The following DLC1 variants were observed in gnomAD, a reference collection of about 807,000 sequenced individuals.
The protein encoded by DLC1 is DLC1 Rho GTPase activating protein, also known as rho GTPase-activating protein 7.
DLC1 carries 54 observed loss-of-function variants against 140.3 expected under a neutral mutation model. That is an observed-to-expected ratio of 0.38 (90% CI 0.31 to 0.48). DLC1 has a LOEUF of 0.48. DLC1 is among the 20% of genes least tolerant of loss of function. DLC1 has a pLI of 0.96. For missense variants in DLC1, 2,536 were observed against 1,907.0 expected (o/e 1.33, Z -6.14); for synonymous variants, 986 against 728.1 (o/e 1.35, Z -5.70).
At chr8:13,519,065 A>G (rs1243652322), upstream of DLC1, among the ~76,000 whole-genome samples, 1 of 152,074 alleles carries the variant, frequency 6.6e-6, no homozygotes, top group Non-Finnish European at 1.5e-5. Flanking sequence ...ATATGTATAC[A>G]TGTGCCATGT....
At chr8:13,120,499 G>C (rs1312873855) in intron 5 of DLC1, among the ~76,000 whole-genome samples, 1 of 151,034 alleles carries the variant, frequency 6.6e-6, no homozygotes, top group Non-Finnish European at 1.5e-5. Flanking sequence ...GCTTGTTTTG[G>C]GGGGCCTCTA....
chr8:13,417,202 T>C (rs1483968413), intron 2 of DLC1, among the ~76,000 whole-genome samples: 1 of 152,070 alleles, frequency 6.6e-6, no homozygotes, highest in Non-Finnish European at 1.5e-5. Context: ...GAGTACCTAC[T>C]TTTCTTTATT....
intron 4 of DLC1, among the ~76,000 whole-genome samples, chr8:13,386,681 C>T (rs1384652372): frequency 6.6e-6 from 1 of 152,000 alleles, no homozygotes; most frequent in African/African-American, 2.4e-5. Flanking sequence ...ATGAATTGCA[C>T]ACTTATTTAT....
intron 4 of DLC1, among the ~76,000 whole-genome samples, chr8:13,390,063 G>T (rs1836681923): frequency 6.6e-6 from 1 of 152,198 alleles, no homozygotes; most frequent in Admixed American, 6.5e-5. Context: ...TCCAAATTGT[G>T]GGAGAAAGTA....
At chr8:13,134,923 A>G (rs1357595349) in intron 5 of DLC1, among the ~76,000 whole-genome samples, 1 of 152,204 alleles carries the variant, frequency 6.6e-6, no homozygotes, top group African/African-American at 2.4e-5. Context: ...ACCTACTGGT[A>G]ACTGCTGAGG....
At chr8:13,258,877 C>A (rs772384424) in intron 5 of DLC1, among the ~76,000 whole-genome samples, 1 of 152,108 alleles carries the variant, frequency 6.6e-6, no homozygotes, top group Non-Finnish European at 1.5e-5. Context: ...GTGGCTCACG[C>A]CTGTAATCCC....
chr8:13,242,256 T>C (rs1829573205), intron 5 of DLC1, among the ~76,000 whole-genome samples: 1 of 152,156 alleles, frequency 6.6e-6, no homozygotes, highest in African/African-American at 2.4e-5. Context: ...TTTCTTGTGG[T>C]AATGAAGGTT....
chr8:13,252,853 A>T (rs1830071727), intron 5 of DLC1, among the ~76,000 whole-genome samples: 1 of 152,192 alleles, frequency 6.6e-6, no homozygotes, highest in South Asian at 2.1e-4. Flanking sequence ...GAGTGTCTTG[A>T]CCTATAGCCA....
At chr8:13,240,398 C>T (rs1386115307) in intron 5 of DLC1, among the ~76,000 whole-genome samples, 3 of 152,150 alleles carry the variant, frequency 2.0e-5, no homozygotes, top group African/African-American at 7.2e-5. Flanking sequence ...AAGAATGCAA[C>T]CATCACTCGA....
chr8:13,343,019 T>C (rs1834150130), intron 4 of DLC1, among the ~76,000 whole-genome samples: 1 of 152,150 alleles, frequency 6.6e-6, no homozygotes, highest in Non-Finnish European at 1.5e-5. Context: ...AGTAATTTAA[T>C]TTTCCCGTTA....
chr8:13,553,053 T>C (rs1380152131), intron 1 of DLC1, among the ~76,000 whole-genome samples: 4 of 151,316 alleles, frequency 2.6e-5, no homozygotes, highest in African/African-American at 9.7e-5. Flanking sequence ...TTACAAAATA[T>C]TAGTTTCATT....
intron 1 of DLC1, among the ~76,000 whole-genome samples, chr8:13,560,263 C>G (rs763392243): frequency 1.2e-4 from 18 of 152,036 alleles, no homozygotes; most frequent in Non-Finnish European, 2.4e-4. Context: ...CTGAAATATA[C>G]CAATCTGAAA....
chr8:13,154,290 C>T (rs944093583), intron 5 of DLC1, among the ~76,000 whole-genome samples: 5 of 152,174 alleles, frequency 3.3e-5, no homozygotes, highest in African/African-American at 4.8e-5. Flanking sequence ...TGCGGGAGCC[C>T]GCTGCGGTGG....
intron 1 of DLC1, among the ~76,000 whole-genome samples, chr8:13,551,047 AACACAC>A (rs1554542230): frequency 4.1e-5 from 5 of 123,050 alleles, no homozygotes; most frequent in East Asian, 2.5e-4. Flanking sequence ...GATTTCTTTA[AACACAC>A]ACACACACAC....
chr8:13,142,149 C>T (rs967128999), intron 5 of DLC1, among the ~76,000 whole-genome samples: 3 of 152,204 alleles, frequency 2.0e-5, no homozygotes, highest in African/African-American at 4.8e-5. Context: ...TCAGCTTCCG[C>T]CATGATTGTA....
intron 4 of DLC1, among the ~76,000 whole-genome samples, chr8:13,365,540 A>T (rs555986357): frequency 1.4e-4 from 22 of 152,266 alleles, no homozygotes; most frequent in Admixed American, 1.4e-3. Context: ...CAAATGCCAG[A>T]TGCATGAGAT....
rs368994756 is a variant in DLC1 at position 13,100,603 on chromosome 8, G to A, written c.1734C>T (p.Pro578=). 105 of 1,613,914 alleles carry A rather than the reference G, an allele frequency of 6.5e-5. No individual in the cohort carries two copies. The highest frequency in any genetic ancestry group is 8.4e-5 in the Non-Finnish European group (99 of 1,180,000). The change falls in exon 9 of 18, where the codon CCC becomes CCT. Residue 578 remains proline (P), a synonymous_variant. Transcript: ENST00000276297. ...DDSHPKDGPS[P]GGTLMDLSER... ...CGCTGAGGTCCATCAGCGTGCCTCC[G>A]GGGCTGGGGCCGTCCTTCGGGTGGG...
At chr8:13,305,323 A>G (rs760550328) in intron 4 of DLC1, 21 bp from the exon 5 acceptor site, 1 of 1,580,506 alleles carries the variant, frequency 6.3e-7, no homozygotes, top group East Asian at 2.2e-5. Context: ...AGACACAAAA[A>G]TTGTGGTATT....
At chr8:13,521,944 A>T (rs1405943822) in intron 1 of DLC1, among the ~76,000 whole-genome samples, 1 of 152,148 alleles carries the variant, frequency 6.6e-6, no homozygotes, top group African/African-American at 2.4e-5. Flanking sequence ...CACATTCAAC[A>T]TGTGTCATAT....
Sources: allele counts gnomAD v4.1 joint callset (sites outside exome capture counted in the v4.1 genomes callset), GRCh38; gene constraint gnomAD v4.1.1; transcripts MANE v1.5; gene names NCBI Gene and HGNC (gene_info 2026-07-23, HGNC 2026-07-21).